ELAVL4: variants seen among roughly 807,000 people sequenced by gnomAD.
The protein encoded by ELAVL4 is ELAV-like protein 4.
In ELAVL4, 1 loss-of-function variant was observed where a neutral mutation model predicts 35.6. The observed-to-expected ratio is 0.03, with a 90% CI of 0.01 to 0.13. The LOEUF (loss-of-function observed/expected upper bound fraction) is 0.13. ELAVL4 is among the 10% of genes least tolerant of loss of function. The pLI is 1.00. For synonymous variants in ELAVL4, 156 were observed against 171.0 expected, an observed-to-expected ratio of 0.91 and a Z score of 0.69; for missense variants, 267 against 464.9, an observed-to-expected ratio of 0.57 and a Z score of 3.91.
Position 50,109,452 on chromosome 1 carries a change from G to T in ELAVL4, c.9+254G>T, listed in dbSNP as rs150633700. 2.9e-3 allele frequency among the ~76,000 whole-genome samples: 445 copies of T among 152,148 alleles called. 5 individuals carry two copies. Among genetic ancestry groups the T allele is most frequent in the African/African-American group, 0.01 (428 of 41,512 alleles). On this transcript the variant is annotated intron_variant, in intron 1 of 6. Coordinates refer to ENST00000371824, the MANE Select transcript of ELAVL4 (RefSeq NM_001144774.3). ...CATAAAGGCAAGGGGTGGAGGGGGA[G>T]GGCTGAAATAATTGCTGGTTTATTG...
chr1:50,051,306 C>G (rs1378289710), intron 1 of ELAVL4, among the ~76,000 whole-genome samples: 2 of 151,990 alleles, frequency 1.3e-5, no homozygotes, highest in African/African-American at 4.8e-5. Flanking sequence ...TGTTTAGTTC[C>G]TTAGTTTCTC....
chr1:50,157,608 G>A (rs1198854338), intron 2 of ELAVL4, among the ~76,000 whole-genome samples: 1 of 152,138 alleles, frequency 6.6e-6, no homozygotes, highest in Non-Finnish European at 1.5e-5. Flanking sequence ...ATTAGATTTT[G>A]GATTCCGGTC....
At chr1:50,146,547 G>A (rs959825972) in intron 2 of ELAVL4, among the ~76,000 whole-genome samples, 1 of 152,020 alleles carries the variant, frequency 6.6e-6, no homozygotes, top group African/African-American at 2.4e-5. Context: ...ATGCTTCAAG[G>A]AAAGTGGCCA....
chr1:50,128,564 A>C (rs1250892567), intron 1 of ELAVL4, among the ~76,000 whole-genome samples: 1 of 152,092 alleles, frequency 6.6e-6, no homozygotes, highest in Non-Finnish European at 1.5e-5. Context: ...GAAAGATAGG[A>C]GGCTGGAGAG....
chr1:50,078,106 T>TGTGTGTG (rs1664844955), intron 1 of ELAVL4, among the ~76,000 whole-genome samples: 1 of 144,970 alleles, frequency 6.9e-6, no homozygotes, highest in African/African-American at 2.6e-5. Flanking sequence ...AATATATACC[T>TGTGTGTG]TGTGTGTGTG....
At chr1:50,193,246 A>G (rs1240223267) in intron 3 of ELAVL4, among the ~76,000 whole-genome samples, 1 of 152,170 alleles carries the variant, frequency 6.6e-6, no homozygotes, top group South Asian at 2.1e-4. Flanking sequence ...GGAGCAACAC[A>G]AAGGATGGAA....
intron 2 of ELAVL4, among the ~76,000 whole-genome samples, chr1:50,166,804 A>G (rs1026279167): frequency 6.6e-6 from 1 of 152,150 alleles, no homozygotes; most frequent in Non-Finnish European, 1.5e-5. Flanking sequence ...GTCTGGGTCA[A>G]TCACCCCAGC....
At chr1:50,112,285 T>G (rs1322190212) in intron 1 of ELAVL4, among the ~76,000 whole-genome samples, 1 of 152,132 alleles carries the variant, frequency 6.6e-6, no homozygotes, top group Non-Finnish European at 1.5e-5. Flanking sequence ...GTTTCTTTTT[T>G]TATTTTCTGA....
intron 2 of ELAVL4, among the ~76,000 whole-genome samples, chr1:50,163,157 C>T (rs1005749213): frequency 4.6e-5 from 7 of 152,168 alleles, no homozygotes; most frequent in African/African-American, 1.4e-4. Context: ...ACCTGTTGCC[C>T]TTGACTGCCT....
intron 2 of ELAVL4, among the ~76,000 whole-genome samples, chr1:50,172,128 A>G (rs1679118516): frequency 6.6e-6 from 1 of 152,164 alleles, no homozygotes. Flanking sequence ...GGCAGTGCAG[A>G]AATGCTGAGG....
chr1:50,168,485 C>A (rs530736897), intron 2 of ELAVL4, among the ~76,000 whole-genome samples: 78 of 152,310 alleles, frequency 5.1e-4, no homozygotes, highest in African/African-American at 1.9e-3. Context: ...AAGACTCTCA[C>A]TCAAGGCAAT....
At chr1:50,111,843 C>G (rs766415317) in intron 1 of ELAVL4, among the ~76,000 whole-genome samples, 1 of 151,870 alleles carries the variant, frequency 6.6e-6, no homozygotes, top group Non-Finnish European at 1.5e-5. Context: ...TGGTGGGTAC[C>G]ATAAGGATTG....
At chr1:50,183,831 T>C (rs909963391) in intron 3 of ELAVL4, among the ~76,000 whole-genome samples, 11 of 152,224 alleles carry the variant, frequency 7.2e-5, no homozygotes, top group Non-Finnish European at 2.9e-5. Flanking sequence ...CCTGGAGAGT[T>C]AGCAGATCAT....
intron 3 of ELAVL4, among the ~76,000 whole-genome samples, chr1:50,183,283 A>T (rs1025617634): frequency 2.6e-4 from 39 of 152,196 alleles, no homozygotes; most frequent in African/African-American, 8.9e-4. Flanking sequence ...ATATTTCCAG[A>T]GGACAGGTAT....
At chr1:50,168,650 T>C (rs911080967) in intron 2 of ELAVL4, among the ~76,000 whole-genome samples, 7 of 152,172 alleles carry the variant, frequency 4.6e-5, no homozygotes, top group African/African-American at 1.2e-4. Flanking sequence ...AAAGGTATCA[T>C]GTATAGAGTC....
chr1:50,095,408 A>G (rs1665679134), intron 1 of ELAVL4, among the ~76,000 whole-genome samples: 1 of 152,160 alleles, frequency 6.6e-6, no homozygotes, highest in Non-Finnish European at 1.5e-5. Flanking sequence ...TGCTTAGAAA[A>G]AAGCACTTGC....
chr1:50,149,354 C>T (rs1036499421), intron 2 of ELAVL4, among the ~76,000 whole-genome samples: 11 of 150,748 alleles, frequency 7.3e-5, no homozygotes, highest in East Asian at 3.9e-4. Flanking sequence ...GCTGAGATTG[C>T]GCTCCAGCCT....
At chr1:50,173,927 G>C (rs150933997) in intron 2 of ELAVL4, among the ~76,000 whole-genome samples, 243 of 152,188 alleles carry the variant, frequency 1.6e-3, no homozygotes, top group African/African-American at 5.6e-3. Flanking sequence ...GATCCCTCAG[G>C]CCCTCCCAGC....
chr1:50,143,042 G>C (rs1303927565), intron 1 of ELAVL4, among the ~76,000 whole-genome samples: 2 of 152,128 alleles, frequency 1.3e-5, no homozygotes, highest in Non-Finnish European at 2.9e-5. Context: ...TAAAAAAATA[G>C]GTAAAACAAA....
Sources: allele counts gnomAD v4.1 joint callset (sites outside exome capture counted in the v4.1 genomes callset), GRCh38; gene constraint gnomAD v4.1.1; transcripts MANE v1.5; gene names NCBI Gene and HGNC (gene_info 2026-07-23, HGNC 2026-07-21).